Variants in MAPK4 observed in about 807,000 individuals in gnomAD.
MAPK4 encodes mitogen-activated protein kinase 4.
Under a neutral mutation model 47.7 loss-of-function variants are expected in MAPK4, and 22 were observed. That is an observed-to-expected ratio of 0.46 (90% CI 0.33 to 0.66). The LOEUF is 0.66. Among genes scored for constraint, MAPK4 ranks in the 30% least tolerant of loss-of-function variants. MAPK4 has a pLI of 0.02. For missense variants in MAPK4, 736 were observed against 831.7 expected (o/e 0.88, Z 1.42); for synonymous variants, 390 against 365.7 (o/e 1.07, Z -0.76).
chr18:50,600,273 T>A (rs531524918), intron 1 of MAPK4, among the ~76,000 whole-genome samples: 1 of 152,256 alleles, frequency 6.6e-6, no homozygotes, highest in East Asian at 1.9e-4. Context: ...TTTCCTTCTA[T>A]CCCACAGAAT....
At chr18:50,566,631 T>C (rs2042200756) in intron 1 of MAPK4, among the ~76,000 whole-genome samples, 1 of 152,228 alleles carries the variant, frequency 6.6e-6, no homozygotes, top group African/African-American at 2.4e-5. Context: ...ACTGATTACA[T>C]CTATGCCAAA....
intron 1 of MAPK4, among the ~76,000 whole-genome samples, chr18:50,645,783 G>A (rs999704125): frequency 3.3e-5 from 5 of 152,198 alleles, no homozygotes; most frequent in Admixed American, 1.3e-4. Flanking sequence ...ATCTGAGGGT[G>A]GAAGGCTGGG....
chr18:50,653,197 A>T (rs1476373150), intron 1 of MAPK4, among the ~76,000 whole-genome samples: 1 of 132,102 alleles, frequency 7.6e-6, no homozygotes, highest in Non-Finnish European at 1.6e-5. Flanking sequence ...CTCAAAAAAT[A>T]AAAAAAAAAA....
chr18:50,595,522 T>C (rs35990490), intron 1 of MAPK4, among the ~76,000 whole-genome samples: 57 of 152,334 alleles, frequency 3.7e-4, no homozygotes, highest in Non-Finnish European at 5.7e-4. Context: ...AGAACCGTCA[T>C]TGCCTTTGGC....
At chr18:50,670,561 A>G (rs1907882664) in intron 2 of MAPK4, among the ~76,000 whole-genome samples, 1 of 152,138 alleles carries the variant, frequency 6.6e-6, no homozygotes, top group African/African-American at 2.4e-5. Flanking sequence ...GTTTGAGACC[A>G]GCCTGGCCAA....
At chr18:50,707,874 G>C (rs1022772970) in intron 2 of MAPK4, among the ~76,000 whole-genome samples, 2 of 152,212 alleles carry the variant, frequency 1.3e-5, no homozygotes, top group African/African-American at 4.8e-5. Flanking sequence ...TTCAGGATCT[G>C]TCCAGGATCC....
At chr18:50,715,276 A>G in intron 3 of MAPK4, 53 bp downstream of exon 3, 3 of 1,561,838 alleles carry the variant, frequency 1.9e-6, no homozygotes, top group African/African-American at 1.4e-5. Context: ...TTCCATAGAA[A>G]GGGGAACTGA....
intron 1 of MAPK4, among the ~76,000 whole-genome samples, chr18:50,642,935 G>C (rs2042953541): frequency 6.6e-6 from 1 of 152,188 alleles, no homozygotes; most frequent in African/African-American, 2.4e-5. Flanking sequence ...TAGTAATTCA[G>C]ACTTTTTAAA....
chr18:50,652,308 T>C (rs2043058926), intron 1 of MAPK4, among the ~76,000 whole-genome samples: 1 of 152,130 alleles, frequency 6.6e-6, no homozygotes, highest in Non-Finnish European at 1.5e-5. Flanking sequence ...TTTTTCTGCT[T>C]TAGGAATGAT....
chr18:50,578,081 A>T (rs761299782), intron 1 of MAPK4, among the ~76,000 whole-genome samples: 18 of 152,288 alleles, frequency 1.2e-4, no homozygotes, highest in Non-Finnish European at 2.4e-4. Flanking sequence ...TGGAGCACAG[A>T]CTGCATGTGT....
chr18:50,662,147 T>C (rs746250133), intron 1 of MAPK4, among the ~76,000 whole-genome samples: 10 of 152,242 alleles, frequency 6.6e-5, no homozygotes, highest in Non-Finnish European at 1.5e-4. Flanking sequence ...GATATGAGAA[T>C]AAAGCAGCAG....
At chr18:50,690,532 T>C (rs190598979) in intron 2 of MAPK4, among the ~76,000 whole-genome samples, 67 of 152,370 alleles carry the variant, frequency 4.4e-4, no homozygotes, top group African/African-American at 1.5e-3. Flanking sequence ...GATTCTGTCC[T>C]GTGCAACCAT....
intron 1 of MAPK4, among the ~76,000 whole-genome samples, chr18:50,645,941 T>C (rs2144194138): frequency 6.6e-6 from 1 of 152,362 alleles, no homozygotes. Context: ...CTGTTATTAC[T>C]GTCTAGTTTG....
At chr18:50,641,253 C>T (rs528280551) in intron 1 of MAPK4, among the ~76,000 whole-genome samples, 1 of 152,320 alleles carries the variant, frequency 6.6e-6, no homozygotes, top group South Asian at 2.1e-4. Context: ...GTTCTAATCT[C>T]AGCCTGTCAC....
intron 1 of MAPK4, among the ~76,000 whole-genome samples, chr18:50,635,186 G>C (rs1174858216): frequency 6.6e-6 from 1 of 152,100 alleles, no homozygotes; most frequent in Non-Finnish European, 1.5e-5. Context: ...ATCTCCTCAT[G>C]GATGTCAAAT....
chr18:50,575,942 A>G (rs970666659), intron 1 of MAPK4, among the ~76,000 whole-genome samples: 1 of 152,180 alleles, frequency 6.6e-6, no homozygotes, highest in Admixed American at 6.5e-5. Context: ...AGCACAGTGA[A>G]TTACCACCTC....
intron 2 of MAPK4, among the ~76,000 whole-genome samples, chr18:50,665,740 G>T (rs1352670106): frequency 6.6e-6 from 1 of 152,208 alleles, no homozygotes; most frequent in Non-Finnish European, 1.5e-5. Flanking sequence ...AGCCCAGCTG[G>T]CTCTGGCTCC....
chr18:50,728,912 T>C (rs557567414), intron 5 of MAPK4, among the ~76,000 whole-genome samples: 1 of 152,310 alleles, frequency 6.6e-6, no homozygotes, highest in South Asian at 2.1e-4. Context: ...TGGCACATGG[T>C]AGGTGCGCAG....
At chr18:50,656,238 A>G (rs551880957) in intron 1 of MAPK4, among the ~76,000 whole-genome samples, 1 of 152,294 alleles carries the variant, frequency 6.6e-6, no homozygotes, top group East Asian at 1.9e-4. Context: ...GCAGCTCCTG[A>G]GAGTCAAGAA....
Sources: allele counts gnomAD v4.1 joint callset (sites outside exome capture counted in the v4.1 genomes callset), GRCh38; gene constraint gnomAD v4.1.1; transcripts MANE v1.5; gene names NCBI Gene and HGNC (gene_info 2026-07-23, HGNC 2026-07-21).